LRRC4C: variants seen among roughly 807,000 people sequenced by gnomAD.
LRRC4C encodes leucine-rich repeat-containing protein 4C.
LRRC4C carries 5 observed loss-of-function variants against 33.6 expected under a neutral mutation model. That is an observed-to-expected ratio of 0.15 (90% CI 0.08 to 0.31). The LOEUF is 0.31. Ranked by LOEUF, LRRC4C falls within the 10% of genes least tolerant of loss-of-function variation. The probability of loss-of-function intolerance (pLI) is 1.00; values close to 1 mark genes in which losing one functional copy is unlikely to be tolerated. For missense variants in LRRC4C, 560 were observed against 796.7 expected, an observed-to-expected ratio of 0.70 and a Z score of 3.58; for synonymous variants, 329 against 302.0, an observed-to-expected ratio of 1.09 and a Z score of -0.93.
chr11:41,184,085 CA>C (rs1241010268), intron 1 of LRRC4C, among the ~76,000 whole-genome samples: 1 of 152,176 alleles, frequency 6.6e-6, no homozygotes, highest in Non-Finnish European at 1.5e-5. Flanking sequence ...GGCCAGCCCA[CA>C]AAACCATTTT....
chr11:40,451,483 T>G (rs1951884633), intron 3 of LRRC4C, among the ~76,000 whole-genome samples: 1 of 142,096 alleles, frequency 7.0e-6, no homozygotes, highest in Admixed American at 7.6e-5. Context: ...CCTCCTGGGT[T>G]CAAGTAATTC....
chr11:40,530,988 T>G (rs923258096), intron 3 of LRRC4C, among the ~76,000 whole-genome samples: 22 of 152,204 alleles, frequency 1.4e-4, no homozygotes, highest in African/African-American at 4.8e-4. Flanking sequence ...CTTAATAATA[T>G]CTAGTGGATA....
chr11:41,170,324 T>C (rs1944916384), intron 1 of LRRC4C, among the ~76,000 whole-genome samples: 1 of 152,158 alleles, frequency 6.6e-6, no homozygotes, highest in Non-Finnish European at 1.5e-5. Flanking sequence ...AGAACAAAGC[T>C]GGAGGCATCA....
At chr11:40,202,213 C>CAAAAAAAAAAA (rs35644436) in intron 5 of LRRC4C, among the ~76,000 whole-genome samples, 1 of 65,014 alleles carries the variant, frequency 1.5e-5, no homozygotes, top group Non-Finnish European at 2.9e-5. Context: ...GTGTGATTAC[C>CAAAAAAAAAAA]AAAAAAAAAA....
intron 1 of LRRC4C, among the ~76,000 whole-genome samples, chr11:41,000,141 T>G: frequency 6.6e-6 from 1 of 152,204 alleles, no homozygotes; most frequent in East Asian, 1.9e-4. Context: ...CAGAATAATT[T>G]GGTTGAGTAT....
intron 3 of LRRC4C, among the ~76,000 whole-genome samples, chr11:40,586,720 A>G (rs1958767458): frequency 1.3e-5 from 2 of 150,488 alleles, no homozygotes; most frequent in South Asian, 4.3e-4. Context: ...AGCACCATTT[A>G]TTAAATAGGG....
chr11:41,225,346 C>T (rs1217825206), intron 1 of LRRC4C, among the ~76,000 whole-genome samples: 4 of 152,128 alleles, frequency 2.6e-5, no homozygotes, highest in African/African-American at 9.6e-5. Context: ...AAGGTGGATA[C>T]CCCATTTTCC....
At chr11:40,333,545 C>T (rs772636181) in intron 3 of LRRC4C, among the ~76,000 whole-genome samples, 8 of 151,496 alleles carry the variant, frequency 5.3e-5, no homozygotes, top group African/African-American at 9.7e-5. Flanking sequence ...GGTGAAATCC[C>T]GTCTCTACTA....
intron 5 of LRRC4C, among the ~76,000 whole-genome samples, chr11:40,239,316 AACCT>A (rs1166491156): frequency 6.6e-6 from 1 of 152,030 alleles, no homozygotes; most frequent in African/African-American, 2.4e-5. Context: ...CAGTACTTGG[AACCT>A]ATCTTCTTTT....
intron 3 of LRRC4C, among the ~76,000 whole-genome samples, chr11:40,477,226 G>T (rs1265977206): frequency 2.0e-5 from 3 of 152,052 alleles, no homozygotes; most frequent in Admixed American, 2.0e-4. Flanking sequence ...TATTATAAAT[G>T]ATATCCTTTT....
At chr11:40,359,799 G>T (rs373599495) in intron 3 of LRRC4C, among the ~76,000 whole-genome samples, 2 of 152,012 alleles carry the variant, frequency 1.3e-5, no homozygotes, top group South Asian at 4.2e-4. Context: ...ATTTTATGCC[G>T]TCTAAAAATT....
intron 1 of LRRC4C, among the ~76,000 whole-genome samples, chr11:41,285,568 C>G (rs904037762): frequency 4.6e-5 from 7 of 151,936 alleles, no homozygotes; most frequent in African/African-American, 1.7e-4. Context: ...ATAGCATGTC[C>G]AAGGTTCAGA....
intron 1 of LRRC4C, among the ~76,000 whole-genome samples, chr11:41,279,426 A>AC (rs758334311): frequency 8.8e-6 from 1 of 113,278 alleles, no homozygotes; most frequent in East Asian, 3.4e-4. Context: ...ACACACACAC[A>AC]CACCGTGGCA....
chr11:40,582,832 T>TA (rs964654999), intron 3 of LRRC4C, among the ~76,000 whole-genome samples: 1 of 152,016 alleles, frequency 6.6e-6, no homozygotes, highest in Non-Finnish European at 1.5e-5. Flanking sequence ...AATTTTTTTT[T>TA]AAATAGATGC....
At chr11:41,071,175 C>T (rs922377049) in intron 1 of LRRC4C, among the ~76,000 whole-genome samples, 4 of 152,116 alleles carry the variant, frequency 2.6e-5, no homozygotes, top group African/African-American at 9.7e-5. Flanking sequence ...ACCACATGTT[C>T]TCACTCATGT....
intron 1 of LRRC4C, among the ~76,000 whole-genome samples, chr11:40,945,238 T>C (rs2136643208): frequency 1.0e-5 from 1 of 97,354 alleles, no homozygotes; most frequent in African/African-American, 3.7e-5. Context: ...ACCTGGATGG[T>C]CTCGATCTCC....
At chr11:40,175,116 C>A (rs1286887457) in intron 5 of LRRC4C, among the ~76,000 whole-genome samples, 2 of 152,194 alleles carry the variant, frequency 1.3e-5, no homozygotes, top group Non-Finnish European at 2.9e-5. Context: ...CAAAACATTG[C>A]ATCTTGTCTA....
At chr11:40,633,323 CTT>C (rs1358266395) in intron 3 of LRRC4C, among the ~76,000 whole-genome samples, 1 of 92,330 alleles carries the variant, frequency 1.1e-5, no homozygotes, top group East Asian at 5.2e-4. Context: ...GCCAAGTTTT[CTT>C]TTTCTTTCTT....
intron 1 of LRRC4C, among the ~76,000 whole-genome samples, chr11:41,202,949 C>A (rs969764777): frequency 2.0e-5 from 3 of 152,124 alleles, no homozygotes; most frequent in African/African-American, 7.2e-5. Context: ...CCATATCCAG[C>A]TAATTTTTGT....
Sources: allele counts gnomAD v4.1 joint callset (sites outside exome capture counted in the v4.1 genomes callset), GRCh38; gene constraint gnomAD v4.1.1; transcripts MANE v1.5; gene names NCBI Gene and HGNC (gene_info 2026-07-23, HGNC 2026-07-21).